SUCLG2: variants seen among roughly 807,000 people sequenced by gnomAD.
SUCLG2 encodes succinate--CoA ligase [GDP-forming] subunit beta, mitochondrial.
A neutral mutation model predicts 47.9 loss-of-function variants in SUCLG2; 42 were observed. That is an observed-to-expected ratio of 0.88 (90% CI 0.69 to 1.14). The LOEUF (loss-of-function observed/expected upper bound fraction) is 1.14. Ranked by LOEUF, SUCLG2 falls within the 50% of genes most tolerant of loss-of-function variation. The pLI, the probability that SUCLG2 is intolerant of heterozygous loss-of-function variation, is 0.00. For missense variants in SUCLG2, 571 were observed against 525.9 expected, an observed-to-expected ratio of 1.09 and a Z score of -0.84; for synonymous variants, 195 against 197.3, an observed-to-expected ratio of 0.99 and a Z score of 0.10.
At chr3:67,527,327 C>T (rs1240696586) in intron 4 of SUCLG2, among the ~76,000 whole-genome samples, 1 of 152,208 alleles carries the variant, frequency 6.6e-6, no homozygotes, top group Non-Finnish European at 1.5e-5. Flanking sequence ...ACCATGGATG[C>T]TTTTCAGGGC....
intron 1 of SUCLG2, among the ~76,000 whole-genome samples, chr3:67,641,327 T>C (rs1422744215): frequency 3.3e-5 from 5 of 152,198 alleles, no homozygotes; most frequent in Non-Finnish European, 5.9e-5. Flanking sequence ...AAAGAACTCA[T>C]GGCAGTGGTC....
intron 9 of SUCLG2, among the ~76,000 whole-genome samples, chr3:67,452,900 T>C (rs1704089715): frequency 6.6e-6 from 1 of 152,206 alleles, no homozygotes; most frequent in Non-Finnish European, 1.5e-5. Context: ...CTTCTAGCCA[T>C]TGCACTGCCT....
At chr3:67,446,428 T>G (rs1303715626) in intron 9 of SUCLG2, among the ~76,000 whole-genome samples, 5 of 90,102 alleles carry the variant, frequency 5.5e-5, no homozygotes, top group Non-Finnish European at 1.1e-4. Context: ...TTTTTTTTTT[T>G]TTTTTTTTTT....
At chr3:67,498,932 T>G (rs1468646443) in intron 7 of SUCLG2, among the ~76,000 whole-genome samples, 2 of 152,136 alleles carry the variant, frequency 1.3e-5, no homozygotes, top group African/African-American at 4.8e-5. Context: ...ATAGCTGGAT[T>G]TTTATTCTCA....
At chr3:67,637,027 T>C (rs994483577) in intron 1 of SUCLG2, among the ~76,000 whole-genome samples, 6 of 151,880 alleles carry the variant, frequency 4.0e-5, no homozygotes, top group African/African-American at 1.5e-4. Flanking sequence ...TCATGAGTGA[T>C]TATTGATGTC....
intron 9 of SUCLG2, among the ~76,000 whole-genome samples, chr3:67,441,478 C>A (rs1054844455): frequency 6.6e-6 from 1 of 152,058 alleles, no homozygotes; most frequent in African/African-American, 2.4e-5. Context: ...AATATGTCTG[C>A]GTGTGAGCTT....
At chr3:67,609,680 T>C in intron 1 of SUCLG2, 84 bp from the exon 2 acceptor site, 2 of 1,318,134 alleles carry the variant, frequency 1.5e-6, no homozygotes, top group Non-Finnish European at 2.0e-6. Context: ...GTCTTAGAGG[T>C]ACTGTTGACT....
At chr3:67,478,363 C>T (rs1363615052) in intron 9 of SUCLG2, among the ~76,000 whole-genome samples, 10 of 152,176 alleles carry the variant, frequency 6.6e-5, no homozygotes, top group Admixed American at 6.5e-4. Context: ...GATCAACTTG[C>T]CCAAGGTCAA....
At chr3:67,640,242 A>C (rs1022410846) in intron 1 of SUCLG2, among the ~76,000 whole-genome samples, 2 of 152,202 alleles carry the variant, frequency 1.3e-5, no homozygotes. Flanking sequence ...TGTACTGCCA[A>C]TGGATGTGTC....
At chr3:67,366,246 G>A (rs1235753788) in intron 10 of SUCLG2, among the ~76,000 whole-genome samples, 1 of 152,138 alleles carries the variant, frequency 6.6e-6, no homozygotes, top group Non-Finnish European at 1.5e-5. Flanking sequence ...CGGATCATGA[G>A]GTCAGGAGAT....
chr3:67,646,393 A>G (rs1396153606), intron 1 of SUCLG2, among the ~76,000 whole-genome samples: 1 of 152,136 alleles, frequency 6.6e-6, no homozygotes, highest in Non-Finnish European at 1.5e-5. Context: ...TCAGGAGTTG[A>G]AGACAAGCCT....
chr3:67,574,235 T>G (rs1282345167), intron 2 of SUCLG2, among the ~76,000 whole-genome samples: 1 of 152,180 alleles, frequency 6.6e-6, no homozygotes, highest in Non-Finnish European at 1.5e-5. Context: ...CAGGATAATC[T>G]CTCATCTAAA....
intron 1 of SUCLG2, among the ~76,000 whole-genome samples, chr3:67,628,490 A>G (rs1700873257): frequency 6.6e-6 from 1 of 152,222 alleles, no homozygotes; most frequent in Non-Finnish European, 1.5e-5. Flanking sequence ...AAGGGTGTCT[A>G]GCTGACCACA....
intron 2 of SUCLG2, among the ~76,000 whole-genome samples, chr3:67,537,417 G>T (rs1706574011): frequency 6.6e-6 from 1 of 152,106 alleles, no homozygotes. Context: ...TTTTATGGCT[G>T]CATAGTATTC....
At chr3:67,568,882 G>A (rs1381354372) in intron 2 of SUCLG2, among the ~76,000 whole-genome samples, 5 of 152,006 alleles carry the variant, frequency 3.3e-5, no homozygotes, top group Admixed American at 6.6e-5. Context: ...GCGAGACTCC[G>A]TCTCAAAAAA....
intron 7 of SUCLG2, among the ~76,000 whole-genome samples, chr3:67,505,756 G>A (rs1246470943): frequency 6.6e-6 from 1 of 152,196 alleles, no homozygotes; most frequent in African/African-American, 2.4e-5. Flanking sequence ...GAGGTCAGGA[G>A]TTCGAGACCA....
At chr3:67,508,976 C>T (rs1267376031) in intron 6 of SUCLG2, 73 bp from the exon 7 acceptor site, 1 of 1,122,936 alleles carries the variant, frequency 8.9e-7, no homozygotes, top group Non-Finnish European at 1.3e-6. Flanking sequence ...ATTAATGAAA[C>T]CTTAAAAATA....
intron 1 of SUCLG2, among the ~76,000 whole-genome samples, chr3:67,642,918 C>CTGTG (rs3221813): frequency 0.014 from 2,086 of 146,586 alleles, 35 homozygotes; most frequent in Admixed American, 0.035. Flanking sequence ...GAAAAGGACT[C>CTGTG]TGTGTGTGTG....
chr3:67,635,299 C>T (rs1254510685), intron 1 of SUCLG2, among the ~76,000 whole-genome samples: 1 of 152,200 alleles, frequency 6.6e-6, no homozygotes, highest in Non-Finnish European at 1.5e-5. Flanking sequence ...GTTTTTCAGA[C>T]CTCTTGCCTG....
Sources: allele counts gnomAD v4.1 joint callset (sites outside exome capture counted in the v4.1 genomes callset), GRCh38; gene constraint gnomAD v4.1.1; transcripts MANE v1.5; gene names NCBI Gene and HGNC (gene_info 2026-07-23, HGNC 2026-07-21).